Variants in USP47 observed in about 807,000 individuals in gnomAD.
USP47 encodes ubiquitin specific peptidase 47.
A neutral mutation model predicts 165.1 loss-of-function variants in USP47; 35 were observed. The observed-to-expected ratio is 0.21, with a 90% CI of 0.16 to 0.28. The LOEUF (loss-of-function observed/expected upper bound fraction) is 0.28, where lower values mean the gene tolerates loss of function less well. USP47 is among the 10% of genes least tolerant of loss of function. USP47 has a pLI of 1.00. For missense variants in USP47, 1,277 were observed against 1,607.4 expected (o/e 0.79, Z 3.52); for synonymous variants, 531 against 544.5 (o/e 0.98, Z 0.35).
At chr11:11,873,680 C>CT (rs1850217278) in intron 1 of USP47, 1 of 457,852 alleles carries the variant, frequency 2.2e-6, no homozygotes, top group African/African-American at 2.0e-5. Flanking sequence ...TGTACTAATA[C>CT]TTTAATTAAT....
chr11:11,873,819 G>C, intron 1 of USP47: 1 of 1,489,682 alleles, frequency 6.7e-7, no homozygotes, highest in Non-Finnish European at 8.9e-7. Context: ...TGGAGATGCA[G>C]ACAAAATATC....
intron 19 of USP47, among the ~76,000 whole-genome samples, chr11:11,940,785 C>CT (rs921386355): frequency 2.1e-4 from 32 of 151,776 alleles, no homozygotes; most frequent in African/African-American, 7.5e-4. Flanking sequence ...GCACTCCCAC[C>CT]TGGAGTGTTC....
At chr11:11,917,226 C>T (rs1853487574) in intron 8 of USP47, among the ~76,000 whole-genome samples, 1 of 152,082 alleles carries the variant, frequency 6.6e-6, no homozygotes, top group Non-Finnish European at 1.5e-5. Flanking sequence ...TAGCAATTTC[C>T]AGAAATTCAA....
chr11:11,922,659 A>G (rs975822954), intron 10 of USP47, 65 bp from the exon 11 acceptor site: 2 of 1,383,208 alleles, frequency 1.4e-6, no homozygotes, highest in Admixed American at 2.4e-5. Flanking sequence ...ATATAGGTAC[A>G]AAGTTTTGTT....
intron 1 of USP47, chr11:11,856,901 T>A (rs933369187): frequency 1.3e-5 from 2 of 152,172 alleles, no homozygotes; most frequent in African/African-American, 2.4e-5. Flanking sequence ...CCCTATTTAC[T>A]TCTCTTCTTG....
At chr11:11,871,501 CAAAAAAAAAAAAAAAAAAAAAAAAA>C (rs71037046) in intron 1 of USP47, among the ~76,000 whole-genome samples, 9 of 63,154 alleles carry the variant, frequency 1.4e-4, no homozygotes, top group Admixed American at 5.7e-4. Flanking sequence ...AACTCCCTCT[CAAAAAAAAAAAAAAAAAAAAAAAAA>C]AAAAAAAAAA....
chr11:11,902,054 T>G (rs1054596933), intron 5 of USP47, among the ~76,000 whole-genome samples: 7 of 152,124 alleles, frequency 4.6e-5, no homozygotes, highest in African/African-American at 1.7e-4. Flanking sequence ...ATAGTCAATC[T>G]TTTTTGTCTA....
intron 8 of USP47, among the ~76,000 whole-genome samples, chr11:11,918,461 C>G (rs541608155): frequency 6.6e-6 from 1 of 151,944 alleles, no homozygotes; most frequent in Non-Finnish European, 1.5e-5. Flanking sequence ...TTAAATTTTC[C>G]AGAGTTTGAT....
chr11:11,881,759 A>G (rs1850846763), intron 2 of USP47, among the ~76,000 whole-genome samples: 1 of 152,110 alleles, frequency 6.6e-6, no homozygotes, highest in East Asian at 1.9e-4. Context: ...ATTTCTAGGA[A>G]TCCTTGATAG....
Position 11,903,252 on chromosome 11 carries a change from T to C in USP47, c.740-11T>C, listed in dbSNP as rs571175476. 3.1e-6 allele frequency: 5 copies of C among 1,605,752 alleles called. No individual in the cohort carries two copies. Among genetic ancestry groups the C allele is most frequent in the Non-Finnish European group, 4.3e-6 (5 of 1,176,096 alleles). On this transcript the variant is annotated splice_polypyrimidine_tract_variant and intron_variant, in intron 6 of 27. Coordinates refer to ENST00000527733, the MANE Select transcript of USP47 (RefSeq NM_001282659.2). ...TATAGCTATTTCTAATTGAATTTTA[T>C]CTTAAAACAGCTTGGCAGCAGCATG...
At chr11:11,855,804 A>G (rs911408396) in intron 1 of USP47, among the ~76,000 whole-genome samples, 3 of 152,190 alleles carry the variant, frequency 2.0e-5, no homozygotes, top group Non-Finnish European at 2.9e-5. Context: ...TCATTCAGTT[A>G]AACATTGAGT....
intron 13 of USP47, 122 bp downstream of exon 13, chr11:11,930,242 A>G: frequency 3.8e-6 from 3 of 787,178 alleles, no homozygotes; most frequent in South Asian, 3.5e-5. Flanking sequence ...GCCAAATCCA[A>G]CCTGCCTCCA....
Position 11,900,444 on chromosome 11 carries a change from G to A in USP47, c.594-2271G>A, listed in dbSNP as rs1004792567. On this transcript the variant is annotated intron_variant, in intron 5 of 27. Transcript: ENST00000527733. ...CAAAGTGCTGGGATTACAGGCGTGA[G>A]CCACCGCGCCCGGCCTATTTTCTTC... Among the ~76,000 whole-genome samples, 83 of 152,178 alleles carry A rather than the reference G, an allele frequency of 5.5e-4. 2 individuals are homozygous for A. Among genetic ancestry groups the A allele is most frequent in the Non-Finnish European group, 5.9e-5 (4 of 68,032 alleles).
chr11:11,874,103 G>A (rs1390679670), intron 1 of USP47, among the ~76,000 whole-genome samples: 1 of 152,296 alleles, frequency 6.6e-6, no homozygotes, highest in East Asian at 1.9e-4. Context: ...TTGTTATGAT[G>A]TTGGGTATGA....
intron 1 of USP47, among the ~76,000 whole-genome samples, chr11:11,870,892 T>G (rs533484683): frequency 2.0e-5 from 3 of 152,084 alleles, no homozygotes; most frequent in African/African-American, 4.8e-5. Context: ...TAGATACTTA[T>G]TTTTTTTCTC....
Position 11,865,801 on chromosome 11 carries a change from G to T in USP47, c.40-14376G>T, listed in dbSNP as rs143987903. On this transcript the variant is annotated intron_variant, in intron 1 of 27. Transcript: ENST00000527733. Reference sequence around the variant, plus strand: ...ACTGATGTTGACCATCTTTTTATGTGCTTGTTGGCTATTTTTACATATTCT... The same window carrying T: ...ACTGATGTTGACCATCTTTTTATGTTCTTGTTGGCTATTTTTACATATTCT... Among the ~76,000 whole-genome samples, 67 of 151,828 alleles carry T rather than the reference G, an allele frequency of 4.4e-4. No homozygotes were observed. In the East Asian group the frequency reaches 0.01, roughly 23 times the overall value.
intron 22 of USP47, 53 bp downstream of exon 22, chr11:11,948,611 A>G: frequency 6.8e-7 from 1 of 1,471,280 alleles, no homozygotes; most frequent in South Asian, 1.2e-5. Context: ...GTTACTGAAA[A>G]CATAGAATAT....
chr11:11,873,749 C>G, intron 1 of USP47: 2 of 1,139,802 alleles, frequency 1.8e-6, no homozygotes, highest in Non-Finnish European at 2.3e-6. Context: ...TGTCTTTTCC[C>G]TTTATTTTAT....
At chr11:11,939,468 T>TA (rs937505279) in intron 18 of USP47, among the ~76,000 whole-genome samples, 1 of 151,756 alleles carries the variant, frequency 6.6e-6, no homozygotes, top group African/African-American at 2.4e-5. Flanking sequence ...TATTATGTTC[T>TA]AAAAAAAAGT....
Sources: gnomAD v4.1 joint callset for allele counts (sites outside exome capture counted in the v4.1 genomes callset) on GRCh38, gnomAD v4.1.1 for gene constraint, MANE v1.5 for transcripts, NCBI Gene and HGNC (gene_info 2026-07-23, HGNC 2026-07-21) for gene names.